The following CSGALNACT1 variants were observed in gnomAD, a reference collection of about 807,000 sequenced individuals.
The protein encoded by CSGALNACT1 is chondroitin sulfate N-acetylgalactosaminyltransferase 1.
In CSGALNACT1, 52 loss-of-function variants were observed where a neutral mutation model predicts 51.0. The ratio of observed to expected loss-of-function variants is 1.02; its 90% CI spans 0.82 to 1.29. CSGALNACT1 has a LOEUF of 1.29. Among genes scored for constraint, CSGALNACT1 ranks in the 50% most tolerant of loss-of-function variants. The pLI is 0.00. For missense variants in CSGALNACT1, 935 were observed against 679.2 expected (o/e 1.38, Z -4.19); for synonymous variants, 341 against 254.4 (o/e 1.34, Z -3.24).
At chr8:19,696,924 G>C (rs891770265) in intron 1 of CSGALNACT1, among the ~76,000 whole-genome samples, 3 of 152,182 alleles carry the variant, frequency 2.0e-5, no homozygotes, top group African/African-American at 7.2e-5. Flanking sequence ...GCATGCCAAT[G>C]AATACTAGCA....
chr8:19,661,324 A>C (rs1211634471), intron 1 of CSGALNACT1, among the ~76,000 whole-genome samples: 1 of 152,222 alleles, frequency 6.6e-6, no homozygotes, highest in Non-Finnish European at 1.5e-5. Context: ...GAGCATGTGA[A>C]GATGAGTCAC....
exon 6 of CSGALNACT1, chr8:19,439,923 C>T: frequency 1.2e-6 from 2 of 1,613,852 alleles, no homozygotes; most frequent in Non-Finnish European, 1.7e-6. Flanking sequence ...CTGCTCAATG[C>T]ACATCTCCCT....
At chr8:19,548,060 T>C (rs182627900) in intron 3 of CSGALNACT1, among the ~76,000 whole-genome samples, 1 of 152,324 alleles carries the variant, frequency 6.6e-6, no homozygotes, top group Admixed American at 6.5e-5. Flanking sequence ...TCTGGAAATG[T>C]CCAAAGCTGG....
chr8:19,625,199 T>C (rs2054293665), intron 1 of CSGALNACT1, among the ~76,000 whole-genome samples: 1 of 152,030 alleles, frequency 6.6e-6, no homozygotes, highest in South Asian at 2.1e-4. Flanking sequence ...GGACGTGGGG[T>C]GGTCTGTGAC....
intron 6 of CSGALNACT1, among the ~76,000 whole-genome samples, chr8:19,439,386 C>A (rs775530252): frequency 6.6e-6 from 1 of 152,218 alleles, no homozygotes; most frequent in Admixed American, 6.5e-5. Flanking sequence ...AAGGGTGAGA[C>A]TGTTTGCTAA....
At chr8:19,635,494 G>A (rs780043083) in intron 1 of CSGALNACT1, among the ~76,000 whole-genome samples, 8 of 152,186 alleles carry the variant, frequency 5.3e-5, no homozygotes, top group East Asian at 1.9e-4. Flanking sequence ...AGTGTCAGGG[G>A]CTTAGGGGTG....
chr8:19,569,602 G>C (rs916880245), intron 3 of CSGALNACT1, among the ~76,000 whole-genome samples: 2 of 152,142 alleles, frequency 1.3e-5, no homozygotes, highest in South Asian at 2.1e-4. Flanking sequence ...ATGCTTTCAA[G>C]GATGTGGAGC....
At chr8:19,714,265 C>A (rs1380985211) in intron 1 of CSGALNACT1, among the ~76,000 whole-genome samples, 1 of 152,170 alleles carries the variant, frequency 6.6e-6, no homozygotes, top group Non-Finnish European at 1.5e-5. Context: ...AGCTTCCTTT[C>A]CTCTGGCTGA....
At chr8:19,752,504 T>C (rs1488374797) in intron 1 of CSGALNACT1, among the ~76,000 whole-genome samples, 1 of 152,226 alleles carries the variant, frequency 6.6e-6, no homozygotes, top group African/African-American at 2.4e-5. Flanking sequence ...GAAAGTCACT[T>C]TTGTGAGAAC....
chr8:19,574,120 G>A (rs538293991), intron 3 of CSGALNACT1, among the ~76,000 whole-genome samples: 1 of 152,258 alleles, frequency 6.6e-6, no homozygotes, highest in East Asian at 1.9e-4. Flanking sequence ...TGCTATCCAG[G>A]TTGGTTGGTT....
chr8:19,585,656 G>A (rs184368368), intron 3 of CSGALNACT1, among the ~76,000 whole-genome samples: 1 of 152,294 alleles, frequency 6.6e-6, no homozygotes, highest in African/African-American at 2.4e-5. Flanking sequence ...GCCACTTCCT[G>A]CCTGGCTTCT....
chr8:19,449,805 G>T (rs774770932), intron 5 of CSGALNACT1, among the ~76,000 whole-genome samples: 8 of 151,922 alleles, frequency 5.3e-5, no homozygotes, highest in Non-Finnish European at 1.2e-4. Flanking sequence ...ACTTGGAATT[G>T]AGAAAGATTT....
At chr8:19,560,882 A>G (rs2040549196) in intron 3 of CSGALNACT1, among the ~76,000 whole-genome samples, 1 of 152,214 alleles carries the variant, frequency 6.6e-6, no homozygotes. Context: ...TATATTCCCA[A>G]AACTGTTAAC....
intron 3 of CSGALNACT1, chr8:19,591,120 G>A (rs1370700821): frequency 6.6e-6 from 1 of 152,168 alleles, no homozygotes; most frequent in African/African-American, 2.4e-5. Flanking sequence ...CTTTTTCACA[G>A]AGCTGATATT....
intron 3 of CSGALNACT1, among the ~76,000 whole-genome samples, chr8:19,526,735 A>G (rs1384594759): frequency 6.6e-6 from 1 of 152,200 alleles, no homozygotes; most frequent in South Asian, 2.1e-4. Context: ...AATTTAATAG[A>G]AAAAGCTCCA....
intron 1 of CSGALNACT1, among the ~76,000 whole-genome samples, chr8:19,710,704 T>G (rs527921360): frequency 6.6e-6 from 1 of 152,344 alleles, no homozygotes; most frequent in African/African-American, 2.4e-5. Flanking sequence ...TAACACTTCT[T>G]GCATAATGTG....
At chr8:19,417,058 T>C (rs1457274046) in intron 8 of CSGALNACT1, among the ~76,000 whole-genome samples, 1 of 152,072 alleles carries the variant, frequency 6.6e-6, no homozygotes, top group Non-Finnish European at 1.5e-5. Context: ...TTTTGACACA[T>C]TGGCTAGGCT....
At chr8:19,500,386 A>G (rs1405356384) in intron 4 of CSGALNACT1, among the ~76,000 whole-genome samples, 5 of 152,118 alleles carry the variant, frequency 3.3e-5, no homozygotes, top group Non-Finnish European at 7.4e-5. Flanking sequence ...CTGCACCAAG[A>G]TGTCCACATA....
At chr8:19,647,784 T>C (rs1401310658) in intron 1 of CSGALNACT1, among the ~76,000 whole-genome samples, 1 of 152,238 alleles carries the variant, frequency 6.6e-6, no homozygotes, top group African/African-American at 2.4e-5. Context: ...CTGGTTTACT[T>C]AGGATATTAT....
Sources: allele counts gnomAD v4.1 joint callset (sites outside exome capture counted in the v4.1 genomes callset), GRCh38; gene constraint gnomAD v4.1.1; transcripts MANE v1.5; gene names NCBI Gene and HGNC (gene_info 2026-07-23, HGNC 2026-07-21).